TANGO6: variants seen among roughly 807,000 people sequenced by gnomAD.
The protein encoded by TANGO6 is transport and Golgi organization protein 6 homolog.
TANGO6 carries 90 observed loss-of-function variants against 114.2 expected under a neutral mutation model. The ratio of observed to expected loss-of-function variants is 0.79; its 90% CI spans 0.66 to 0.94. The LOEUF (loss-of-function observed/expected upper bound fraction) is 0.94. Ranked by LOEUF, TANGO6 falls within the 40% of genes least tolerant of loss-of-function variation. The pLI is 0.00. For synonymous variants in TANGO6, 477 were observed against 509.8 expected, an observed-to-expected ratio of 0.94 and a Z score of 0.87; for missense variants, 1,274 against 1,315.3, an observed-to-expected ratio of 0.97 and a Z score of 0.49.
At chr16:69,060,853 G>A (rs978899344) in intron 17 of TANGO6, among the ~76,000 whole-genome samples, 10 of 151,700 alleles carry the variant, frequency 6.6e-5, no homozygotes, top group East Asian at 5.9e-4. Flanking sequence ...TTAGCTGGGC[G>A]TGGTGGCGCA....
chr16:68,995,791 A>G (rs1368099975), intron 15 of TANGO6, among the ~76,000 whole-genome samples: 1 of 152,220 alleles, frequency 6.6e-6, no homozygotes, highest in Admixed American at 6.5e-5. Flanking sequence ...GAAAATTGCA[A>G]GGACCTTGAA....
At chr16:68,846,871 G>A (rs1180838996) in intron 1 of TANGO6, 1 of 150,940 alleles carries the variant, frequency 6.6e-6, no homozygotes, top group East Asian at 2.0e-4. Context: ...AAAGTATCGA[G>A]AAACTCAACA....
chr16:68,849,530 C>T (rs1443199138), intron 1 of TANGO6, among the ~76,000 whole-genome samples: 2 of 151,952 alleles, frequency 1.3e-5, no homozygotes, highest in African/African-American at 4.8e-5. Context: ...CATGATGGCA[C>T]ATGCCTGTGG....
At chr16:68,843,759 C>T in intron 1 of TANGO6, 48 bp downstream of exon 1, 1 of 1,588,294 alleles carries the variant, frequency 6.3e-7, no homozygotes, top group East Asian at 2.2e-5. Flanking sequence ...ACTCTCAGGG[C>T]CGCCCGGCTT....
Position 68,919,072 on chromosome 16 carries a change from C to CT in TANGO6, c.1993-7dup. ...TCATTCCTCATTGATTCTCAATTCC[C>CT]TTTTTTGGGTAGGTGGTGGACTTTG... is the stretch of plus-strand genomic sequence containing the variant. On this transcript the variant is annotated splice_polypyrimidine_tract_variant and intron_variant, in intron 11 of 17. Coordinates refer to ENST00000261778, the MANE Select transcript of TANGO6 (RefSeq NM_024562.2). The CT allele has an allele frequency of 6.2e-7, 1 of 1,600,324 alleles. No individual in the cohort carries two copies. The highest frequency in any genetic ancestry group is 8.5e-7 in the Non-Finnish European group (1 of 1,172,816).
At chr16:69,006,621 C>T (rs981815106) in intron 15 of TANGO6, among the ~76,000 whole-genome samples, 5 of 151,798 alleles carry the variant, frequency 3.3e-5, no homozygotes, top group African/African-American at 1.2e-4. Flanking sequence ...CATGGTGGCA[C>T]GCGCCTGTAA....
At chr16:68,961,243 A>G (rs1963586979) in intron 14 of TANGO6, among the ~76,000 whole-genome samples, 1 of 152,220 alleles carries the variant, frequency 6.6e-6, no homozygotes, top group Non-Finnish European at 1.5e-5. Flanking sequence ...CTTGAGGGTT[A>G]GGATTTGCAA....
chr16:68,955,378 C>T (rs1467939474), intron 14 of TANGO6, among the ~76,000 whole-genome samples: 3 of 152,090 alleles, frequency 2.0e-5, no homozygotes, highest in Admixed American at 1.3e-4. Flanking sequence ...GAATTTCATC[C>T]GGGATATATC....
chr16:69,083,995 A>C lies in TANGO6; in HGVS notation c.*334A>C, dbSNP rs2152246709. 5.6e-6 allele frequency: 1 copy of C among 180,096 alleles called. No individual in the cohort carries two copies. The highest frequency in any genetic ancestry group is 1.2e-5 in the Non-Finnish European group (1 of 86,082). The allele number at this position is 180,096 out of a possible 1,614,324, so 11.2% of individuals were successfully genotyped here. On this transcript the variant is annotated 3_prime_UTR_variant, in exon 18 of 18. Transcript: ENST00000261778. ...ACTGATGGAATTTCACTAATTGCCC[A>C]CTCTCTTGGAACTTGAGGAGAAGCG...
At chr16:68,913,689 G>A (rs867021055) in intron 11 of TANGO6, among the ~76,000 whole-genome samples, 11 of 151,690 alleles carry the variant, frequency 7.3e-5, no homozygotes, top group Non-Finnish European at 1.2e-4. Context: ...GATTAGAGAC[G>A]TAAGCCACTG....
intron 15 of TANGO6, among the ~76,000 whole-genome samples, chr16:69,015,351 T>C (rs1256434933): frequency 1.3e-5 from 2 of 152,164 alleles, no homozygotes; most frequent in Non-Finnish European, 1.5e-5. Flanking sequence ...CAGAGCCAGC[T>C]GACCAGGTAC....
At chr16:69,060,416 C>G (rs1255825785) in intron 17 of TANGO6, among the ~76,000 whole-genome samples, 4 of 151,924 alleles carry the variant, frequency 2.6e-5, no homozygotes, top group Non-Finnish European at 5.9e-5. Flanking sequence ...GGCAACATAG[C>G]GAGGCCTCAT....
At chr16:68,981,032 CTT>C (rs1963830935) in intron 15 of TANGO6, among the ~76,000 whole-genome samples, 4 of 151,974 alleles carry the variant, frequency 2.6e-5, no homozygotes, top group African/African-American at 7.2e-5. Flanking sequence ...GGTTCAGTCT[CTT>C]TTATTTAAGG....
At chr16:68,867,006 C>A in intron 3 of TANGO6, 73 bp from the exon 4 acceptor site, 21 of 455,680 alleles carry the variant, frequency 4.6e-5, no homozygotes, top group Non-Finnish European at 6.5e-5. Flanking sequence ...TTTTTACAGG[C>A]ATGAGCCACT....
chr16:68,935,051 T>C (rs1170935776), intron 14 of TANGO6, among the ~76,000 whole-genome samples: 1 of 152,238 alleles, frequency 6.6e-6, no homozygotes, highest in Admixed American at 6.5e-5. Context: ...GTGTTTGTAA[T>C]ATGCACTTAA....
At chr16:68,969,197 T>C (rs1330483141) in intron 14 of TANGO6, among the ~76,000 whole-genome samples, 1 of 152,142 alleles carries the variant, frequency 6.6e-6, no homozygotes, top group African/African-American at 2.4e-5. Flanking sequence ...GGGATTGATG[T>C]GTGATGTTTT....
At chr16:68,998,492 G>T (rs943381238) in intron 15 of TANGO6, among the ~76,000 whole-genome samples, 5 of 152,110 alleles carry the variant, frequency 3.3e-5, no homozygotes, top group African/African-American at 9.7e-5. Context: ...AGCGCTTTGG[G>T]AGGCTGAGGC....
At chr16:68,957,195 A>G (rs141735397) in intron 14 of TANGO6, among the ~76,000 whole-genome samples, 232 of 152,214 alleles carry the variant, frequency 1.5e-3, no homozygotes, top group African/African-American at 5.0e-3. Context: ...AAAGTTGGCC[A>G]TTTTAATTAT....
intron 16 of TANGO6, among the ~76,000 whole-genome samples, chr16:69,039,826 A>G (rs890341941): frequency 6.6e-6 from 1 of 152,144 alleles, no homozygotes; most frequent in Non-Finnish European, 1.5e-5. Flanking sequence ...TTTATTCCCT[A>G]GGCTGAAACT....
Sources: gnomAD v4.1 joint callset for allele counts (sites outside exome capture counted in the v4.1 genomes callset) on GRCh38, gnomAD v4.1.1 for gene constraint, MANE v1.5 for transcripts, NCBI Gene and HGNC (gene_info 2026-07-23, HGNC 2026-07-21) for gene names.